The following SRSF11 variants were observed in gnomAD, a reference collection of about 807,000 sequenced individuals.
The protein encoded by SRSF11 is serine/arginine-rich splicing factor 11.
A neutral mutation model predicts 56.0 loss-of-function variants in SRSF11; 9 were observed. The observed-to-expected ratio is 0.16, with a 90% CI of 0.10 to 0.28. The LOEUF is 0.28. Among genes scored for constraint, SRSF11 ranks in the 10% least tolerant of loss-of-function variants. The probability of loss-of-function intolerance (pLI) is 1.00; values close to 1 mark genes in which losing one functional copy is unlikely to be tolerated. For missense variants in SRSF11, 421 were observed against 600.7 expected, an observed-to-expected ratio of 0.70 and a Z score of 3.13; for synonymous variants, 222 against 215.3, an observed-to-expected ratio of 1.03 and a Z score of -0.27.
chr1:70,244,552 G>A (rs1676301921), intron 7 of SRSF11, 132 bp from the exon 8 acceptor site: 7 of 958,554 alleles, frequency 7.3e-6, no homozygotes, highest in Admixed American at 5.7e-5. Flanking sequence ...CTAAATAATA[G>A]CAAATGGAAG....
chr1:70,217,974 G>GT (rs763770669), upstream of SRSF11, among the ~76,000 whole-genome samples: 43 of 151,850 alleles, frequency 2.8e-4, no homozygotes, highest in Non-Finnish European at 5.5e-4. Flanking sequence ...TTTTTTGTTT[G>GT]TTTTTTGTGT....
intron 6 of SRSF11, among the ~76,000 whole-genome samples, chr1:70,239,126 C>G (rs1245256769): frequency 6.6e-6 from 1 of 152,152 alleles, no homozygotes; most frequent in Non-Finnish European, 1.5e-5. Flanking sequence ...GGGTCTCACT[C>G]TGTTGCCGAG....
rs548830799 is a variant in SRSF11 at position 70,221,455 on chromosome 1, C to T, written c.-182C>T. ...TCGAGCTCGCGCGCTCTCATCCCCT[C>T]CCCCGCGGCGTGCGGCGGGGCGGAG... On this transcript the variant is annotated 5_prime_UTR_variant, in exon 1 of 12. Coordinates refer to ENST00000370949, the MANE Select transcript of SRSF11 (RefSeq NM_001350605.2). 1.1e-4 allele frequency: 98 copies of T among 884,134 alleles called. No homozygotes were observed. The highest frequency in any genetic ancestry group is 1.6e-4 in the Non-Finnish European group (94 of 582,242). The allele number at this position is 884,134 out of a possible 1,614,324, so 54.8% of individuals were successfully genotyped here.
At chr1:70,211,445 C>G (rs1669554148) in intron 1 of SRSF11, among the ~76,000 whole-genome samples, 1 of 152,082 alleles carries the variant, frequency 6.6e-6, no homozygotes, top group Non-Finnish European at 1.5e-5. Context: ...CAAAGCTCGC[C>G]TACAGTTTTA....
chr1:70,225,222 A>C (rs921656206), intron 1 of SRSF11, among the ~76,000 whole-genome samples: 3 of 152,234 alleles, frequency 2.0e-5, no homozygotes, highest in South Asian at 4.1e-4. Context: ...ATACGGAGAT[A>C]CATTGAAGTT....
chr1:70,241,231 G>C (rs1300284635), intron 7 of SRSF11, among the ~76,000 whole-genome samples: 2 of 152,170 alleles, frequency 1.3e-5, no homozygotes, highest in African/African-American at 4.8e-5. Context: ...TTTTGAAAGA[G>C]CAGTGTGACT....
chr1:70,214,840 G>A (rs1669863513), intron 1 of SRSF11, among the ~76,000 whole-genome samples: 1 of 150,326 alleles, frequency 6.7e-6, no homozygotes, highest in Admixed American at 6.6e-5. Context: ...TAGAAATACA[G>A]TAGAAATATT....
chr1:70,213,964 A>AATT (rs1247378197), intron 1 of SRSF11, among the ~76,000 whole-genome samples: 1 of 152,216 alleles, frequency 6.6e-6, no homozygotes, highest in Non-Finnish European at 1.5e-5. Context: ...AATGAAATGT[A>AATT]CTGATTTGAG....
intron 6 of SRSF11, among the ~76,000 whole-genome samples, chr1:70,239,235 G>T (rs969330062): frequency 6.6e-6 from 1 of 151,994 alleles, no homozygotes; most frequent in Non-Finnish European, 1.5e-5. Context: ...GGGACCACAG[G>T]CACACACCGC....
chr1:70,232,542 G>T (rs947899763), intron 3 of SRSF11, among the ~76,000 whole-genome samples, 165 bp downstream of exon 3: 9 of 152,134 alleles, frequency 5.9e-5, no homozygotes, highest in Non-Finnish European at 1.0e-4. Context: ...TTAGACTTTT[G>T]TATTTTAAGA....
intron 1 of SRSF11, among the ~76,000 whole-genome samples, chr1:70,208,475 A>G (rs916755620): frequency 2.6e-5 from 4 of 152,142 alleles, no homozygotes; most frequent in African/African-American, 9.7e-5. Flanking sequence ...CTGGCATTAC[A>G]GGTACGCACC....
chr1:70,212,941 A>G (rs1436339320), intron 1 of SRSF11, among the ~76,000 whole-genome samples: 2 of 150,918 alleles, frequency 1.3e-5, no homozygotes, highest in African/African-American at 4.9e-5. Flanking sequence ...AGTCCCAGCT[A>G]CTGGGGGGGT....
At chr1:70,230,279 G>T in intron 2 of SRSF11, 7 of 998,636 alleles carry the variant, frequency 7.0e-6, no homozygotes, top group Non-Finnish European at 8.4e-6. Flanking sequence ...TATTGTTGGT[G>T]AATTTAATTC....
chr1:70,239,400 A>T (rs371777720), intron 6 of SRSF11, 39 bp from the exon 7 acceptor site: 9 of 1,481,508 alleles, frequency 6.1e-6, no homozygotes, highest in Non-Finnish European at 8.3e-6. Context: ...CCCCTATTTA[A>T]TAACTTCTAA....
At chr1:70,215,850 T>G (rs540476165) in intron 1 of SRSF11, among the ~76,000 whole-genome samples, 11 of 152,346 alleles carry the variant, frequency 7.2e-5, no homozygotes, top group African/African-American at 2.6e-4. Context: ...TGGCACAATC[T>G]TGAGTCACCA....
rs933014452 is a variant in SRSF11, at chr1:70,251,546, GTAA to G, written c.*746_*748del. The G allele has an allele frequency of 2.0e-5, 3 of 152,384 alleles. No individual in the cohort carries two copies. Among genetic ancestry groups the G allele is most frequent in the Middle Eastern group, 3.4e-3 (1 of 294 alleles). 9.4% of individuals were successfully genotyped at this position (152,384 alleles called of 1,614,324 possible). A position where few individuals can be genotyped will look rare whatever the true frequency, so the allele number is the denominator to read the frequency against. On this transcript the variant is annotated 3_prime_UTR_variant, in exon 12 of 12. Coordinates refer to ENST00000370949, the MANE Select transcript of SRSF11 (RefSeq NM_001350605.2). ...GATGTTTGGGAATTTTTTTCCTGAA[GTAA>G]TAATTTATTCCACATCTACATCAGT...
At position 70,244,746 on chromosome 1, in the gene SRSF11, A is replaced by G. The variant is rs1231552792; in HGVS notation, c.863A>G (p.Lys288Arg). 4 of 1,614,218 alleles carry G rather than the reference A, an allele frequency of 2.5e-6. No individual in the cohort carries two copies. Among genetic ancestry groups the G allele is most frequent in the Middle Eastern group, 1.6e-4 (1 of 6,062 alleles). ...HSKSRSRRRS[K>R]SPRRRRSHSR... Reference sequence around the variant, plus strand: ...AAGTCTAGGAGTCGGCGACGATCCAAAAGCCCAAGGCGGAGAAGATCTCAT... The same window carrying G: ...AAGTCTAGGAGTCGGCGACGATCCAGAAGCCCAAGGCGGAGAAGATCTCAT... Residue 288 changes from lysine to arginine, a missense_variant, in exon 8 of 12, where the codon AAA (lysine) becomes AGA (arginine). Around this residue, in one of 2 missense-constraint regions of SRSF11, gnomAD observed 253 missense variants for 305.8 expected, o/e 0.83. Transcript: ENST00000370949.
At chr1:70,236,866 C>T (rs1459305582) in intron 5 of SRSF11, among the ~76,000 whole-genome samples, 3 of 134,922 alleles carry the variant, frequency 2.2e-5, no homozygotes, top group Non-Finnish European at 4.6e-5. Context: ...TGCAGTGGCG[C>T]GATGTCTGCC....
chr1:70,229,835 G>A (rs1450491339), intron 2 of SRSF11: 2 of 983,188 alleles, frequency 2.0e-6, no homozygotes, highest in Non-Finnish European at 2.4e-6. Context: ...TTATGTAATA[G>A]TACCTCTGTC....
Sources: gnomAD v4.1 joint callset for allele counts (sites outside exome capture counted in the v4.1 genomes callset) on GRCh38, gnomAD v4.1.1 for gene constraint, gnomAD v4.1.1 regional missense constraint, MANE v1.5 for transcripts, NCBI Gene and HGNC (gene_info 2026-07-23, HGNC 2026-07-21) for gene names.